The following GSE1 variants were observed in gnomAD, a reference collection of about 807,000 sequenced individuals.
GSE1 encodes the protein Gse1 coiled-coil protein, also known as genetic suppressor element 1.
A neutral mutation model predicts 112.6 loss-of-function variants in GSE1; 32 were observed. The ratio of observed to expected loss-of-function variants is 0.28; its 90% CI spans 0.21 to 0.38. GSE1 has a LOEUF of 0.38. GSE1 is among the 10% of genes least tolerant of loss of function. GSE1 has a pLI of 1.00. For synonymous variants in GSE1, 1,115 were observed against 735.6 expected (o/e 1.52, Z -8.35); for missense variants, 2,348 against 1,699.2 (o/e 1.38, Z -6.71).
chr16:85,215,865 C>T (rs1253004862), intron 1 of GSE1, among the ~76,000 whole-genome samples: 4 of 152,226 alleles, frequency 2.6e-5, no homozygotes, highest in Non-Finnish European at 5.9e-5. Flanking sequence ...CCGGTTGCTG[C>T]TTCTGTTGCA....
At chr16:85,301,627 C>A (rs1309986244) in intron 1 of GSE1, among the ~76,000 whole-genome samples, 1 of 152,206 alleles carries the variant, frequency 6.6e-6, no homozygotes, top group African/African-American at 2.4e-5. Context: ...ACAGTGCTTT[C>A]TAATGGACAT....
At chr16:85,194,602 G>T (rs1191803109) in intron 1 of GSE1, among the ~76,000 whole-genome samples, 1 of 152,146 alleles carries the variant, frequency 6.6e-6, no homozygotes, top group Non-Finnish European at 1.5e-5. Context: ...CTAATGACTC[G>T]AGTGTTGGGA....
chr16:85,400,225 G>C (rs1267424093), intron 2 of GSE1, among the ~76,000 whole-genome samples: 1 of 151,974 alleles, frequency 6.6e-6, no homozygotes, highest in Non-Finnish European at 1.5e-5. Flanking sequence ...TCATCAAAGA[G>C]ATGGGAAAAC....
chr16:85,220,375 G>A (rs1301540792), intron 1 of GSE1, among the ~76,000 whole-genome samples: 1 of 152,200 alleles, frequency 6.6e-6, no homozygotes, highest in Non-Finnish European at 1.5e-5. Flanking sequence ...GCTCCAAGCC[G>A]GCGAGCGGGC....
chr16:85,202,696 G>C (rs1234467488), intron 1 of GSE1, among the ~76,000 whole-genome samples: 1 of 152,240 alleles, frequency 6.6e-6, no homozygotes, highest in Non-Finnish European at 1.5e-5. Flanking sequence ...CTTGGGAGGG[G>C]CCCTGGGGGG....
intron 1 of GSE1, among the ~76,000 whole-genome samples, chr16:85,231,301 G>A (rs1206400486): frequency 6.6e-6 from 1 of 150,922 alleles, no homozygotes; most frequent in African/African-American, 2.4e-5. Context: ...ATGGGTGGAT[G>A]GATGGACGGA....
At chr16:85,598,758 T>C (rs1446519862) in intron 1 of GSE1, among the ~76,000 whole-genome samples, 2 of 152,236 alleles carry the variant, frequency 1.3e-5, no homozygotes, top group African/African-American at 4.8e-5. Flanking sequence ...GCTCGGATCT[T>C]GGCTGTCACC....
intron 2 of GSE1, among the ~76,000 whole-genome samples, chr16:85,383,987 A>C (rs986335909): frequency 6.6e-6 from 1 of 152,062 alleles, no homozygotes; most frequent in Non-Finnish European, 1.5e-5. Flanking sequence ...TGACTGCTTC[A>C]AAGCCTCTTG....
intron 2 of GSE1, among the ~76,000 whole-genome samples, chr16:85,401,791 C>T (rs2048121015): frequency 1.3e-5 from 2 of 152,202 alleles, no homozygotes; most frequent in African/African-American, 4.8e-5. Context: ...GGGGGAGGGC[C>T]GAGAGCAGTG....
Position 85,654,833 on chromosome 16 carries a change from C to G in GSE1, c.639C>G (p.Thr213=), listed in dbSNP as rs144226545. 1.2e-6 allele frequency: 2 copies of G among 1,611,904 alleles called. No individual in the cohort carries two copies. The highest frequency in any genetic ancestry group is 1.7e-6 in the Non-Finnish European group (2 of 1,179,596). ...RPVHHVVPPS[T]VTEDYLRSFR... ...TGCACCACGTGGTGCCCCCCAGTAC[C>G]GTGACCGAGGACTACCTGAGAAGCT... is the stretch of plus-strand genomic sequence containing the variant. Residue 213 remains threonine, a synonymous_variant, in exon 5 of 16, where the codon ACC becomes ACG. Transcript: ENST00000253458.
Position 85,334,254 on chromosome 16 carries a change from G to A in GSE1, c.2284-23209G>A, listed in dbSNP as rs150184937. On this transcript the variant is annotated intron_variant, in intron 1 of 2. Coordinates refer to the GSE1 transcript ENST00000637419. ...GAGCTGGTCCATCCAGAGTGTGGATGTGGAGCTGCCACTTGCCACCTGGTG... is the reference window on the plus strand; with the variant it reads ...GAGCTGGTCCATCCAGAGTGTGGATATGGAGCTGCCACTTGCCACCTGGTG... Among the ~76,000 whole-genome samples the A allele has an allele frequency of 1.9e-3, 284 of 152,262 alleles. 4 individuals carry two copies. The highest frequency in any genetic ancestry group is 6.7e-3 in the African/African-American group (277 of 41,536).
chr16:85,624,541 A>G (rs992637251), intron 1 of GSE1, among the ~76,000 whole-genome samples: 9 of 152,312 alleles, frequency 5.9e-5, no homozygotes, highest in African/African-American at 2.2e-4. Context: ...TGCCACAGGG[A>G]GGGGACCCCA....
Position 85,480,369 on chromosome 16 carries a change from T to C in GSE1, c.2464+122726T>C, listed in dbSNP as rs531770616. On this transcript the variant is annotated intron_variant, in intron 2 of 2. Coordinates refer to the GSE1 transcript ENST00000637419. The stretch of plus-strand genomic sequence containing the variant: ...TCTGCATCTCGCTTGCTTCCTGGCC[T>C]TGCGGCAGGGGGCGCGCGTGGCACC... Among the ~76,000 whole-genome samples, 8 of 152,334 alleles carry C rather than the reference T, an allele frequency of 5.3e-5. No homozygotes were observed. The East Asian group carries it at 1.4e-3, about 26-fold the overall frequency.
At chr16:85,478,330 CAG>C (rs2050526802) in intron 2 of GSE1, among the ~76,000 whole-genome samples, 1 of 152,036 alleles carries the variant, frequency 6.6e-6, no homozygotes, top group Non-Finnish European at 1.5e-5. Flanking sequence ...AGTTCAAGAC[CAG>C]CCTGGCCAAC....
chr16:85,623,092 C>T (rs2151646175), intron 1 of GSE1, among the ~76,000 whole-genome samples: 1 of 152,266 alleles, frequency 6.6e-6, no homozygotes, highest in African/African-American at 2.4e-5. Flanking sequence ...TGGGCACCTT[C>T]TCGTTGACTT....
intron 8 of GSE1, among the ~76,000 whole-genome samples, chr16:85,660,593 TG>T (rs2052347212): frequency 1.3e-5 from 2 of 151,958 alleles, no homozygotes; most frequent in Admixed American, 6.5e-5. Context: ...GAGCTGAGCT[TG>T]CCCCACTGCA....
In GSE1 at chr16:85,196,009, G is replaced by A. The variant is rs775375242; in HGVS notation, c.2283+24202G>A. The stretch of plus-strand genomic sequence containing the variant: ...TTTGACACGACACCCCAGCGGAGTC[G>A]GGGGCAGCACCCGATAACCAAACAC... On this transcript the variant is annotated intron_variant, in intron 1 of 2. Coordinates refer to the GSE1 transcript ENST00000637419. 3.9e-5 allele frequency among the ~76,000 whole-genome samples: 6 copies of A among 152,118 alleles called. No homozygotes were observed. The South Asian group carries it at 6.2e-4, about 16-fold the overall frequency.
chr16:85,665,365 G>A (rs958115716), intron 12 of GSE1, among the ~76,000 whole-genome samples: 1 of 152,244 alleles, frequency 6.6e-6, no homozygotes, highest in African/African-American at 2.4e-5. Context: ...GGAGCTCTAC[G>A]TGCTGGTCAC....
intron 2 of GSE1, among the ~76,000 whole-genome samples, chr16:85,438,409 C>T (rs562565733): frequency 2.0e-5 from 3 of 152,208 alleles, no homozygotes; most frequent in Non-Finnish European, 2.9e-5. Context: ...TTGGTACCCG[C>T]GCCTGCCCAG....
Sources: allele counts gnomAD v4.1 joint callset (sites outside exome capture counted in the v4.1 genomes callset), GRCh38; gene constraint gnomAD v4.1.1; transcripts MANE v1.5; gene names NCBI Gene and HGNC (gene_info 2026-07-23, HGNC 2026-07-21).